Variants in OLAH observed in about 807,000 individuals in gnomAD.
The protein encoded by OLAH is S-acyl fatty acid synthase thioesterase, medium chain.
OLAH carries 33 observed loss-of-function variants against 27.8 expected under a neutral mutation model. The ratio of observed to expected loss-of-function variants is 1.19; its 90% CI spans 0.90 to 1.59. The LOEUF (loss-of-function observed/expected upper bound fraction) is 1.59, where lower values mean the gene tolerates loss of function less well. Among genes scored for constraint, OLAH ranks in the 40% most tolerant of loss-of-function variants. The pLI is 0.00. For synonymous variants in OLAH, 120 were observed against 102.9 expected, an observed-to-expected ratio of 1.17 and a Z score of -1.01; for missense variants, 359 against 310.8, an observed-to-expected ratio of 1.16 and a Z score of -1.17.
intron 3 of OLAH, among the ~76,000 whole-genome samples, 176 bp from the exon 4 acceptor site, chr10:15,061,548 A>G (rs888141789): frequency 6.7e-6 from 1 of 150,252 alleles, no homozygotes; most frequent in Non-Finnish European, 1.5e-5. Flanking sequence ...AGTCTGCTAT[A>G]TTTTATCTTC....
intron 6 of OLAH, 99 bp downstream of exon 6, chr10:15,065,852 A>G: frequency 9.0e-7 from 1 of 1,105,494 alleles, no homozygotes; most frequent in Non-Finnish European, 1.3e-6. Context: ...GGGAAGACAA[A>G]ATTCTAAGAG....
At chr10:15,039,906 G>C (rs188231235), upstream of OLAH, among the ~76,000 whole-genome samples, 1 of 152,120 alleles carries the variant, frequency 6.6e-6, no homozygotes, top group Non-Finnish European at 1.5e-5. Context: ...GCCAAGGTAG[G>C]TACCCTTTCT....
chr10:15,073,258 CA>C lies in OLAH; in HGVS notation c.*32del. 1 of 1,406,078 alleles carries C rather than the reference CA, an allele frequency of 7.1e-7. No homozygotes were observed. Among genetic ancestry groups the C allele is most frequent in the Non-Finnish European group, 1.0e-6 (1 of 1,004,472 alleles). 87.1% of individuals were successfully genotyped at this position (1,406,078 alleles called of 1,614,324 possible). A position where few individuals can be genotyped will look rare whatever the true frequency, so the allele number is the denominator to read the frequency against. ...TTTTCCCTTTCACTTTTAAAATAAT[CA>C]AAGTAATATCATACTCTTCTCAGTT... On this transcript the variant is annotated 3_prime_UTR_variant, in exon 8 of 8. Coordinates refer to ENST00000378228, the MANE Select transcript of OLAH (RefSeq NM_001039702.3).
chr10:15,061,845 T>A lies in OLAH; in HGVS notation c.285T>A (p.Phe95Leu). The change falls in exon 4 of 8, where the codon TTT becomes TTA. Residue 95 changes from phenylalanine (F) to leucine (L), a missense_variant. By Grantham distance (22) the Phe-to-Leu change is conservative. Coordinates refer to ENST00000378228, the MANE Select transcript of OLAH (RefSeq NM_001039702.3). The stretch of plus-strand genomic sequence containing the variant: ...AGCCAGTCATCCAGGATAAACCATT[T>A]GCATTTTTTGGCCACAGGTATTTGA... ...ALQPVIQDKPFAFFGHSMGSY... is the reference protein window; with the variant it reads ...ALQPVIQDKPLAFFGHSMGSY... 2 of 1,613,322 alleles carry A rather than the reference T, an allele frequency of 1.2e-6. No individual in the cohort carries two copies. The highest frequency in any genetic ancestry group is 1.7e-6 in the Non-Finnish European group (2 of 1,179,714).
intron 2 of OLAH, 154 bp downstream of exon 2, chr10:15,047,474 T>A: frequency 1.4e-6 from 1 of 726,920 alleles, no homozygotes; most frequent in Non-Finnish European, 2.4e-6. Context: ...GCAGGTGAAT[T>A]ACCTGAGGTC....
intron 3 of OLAH, 110 bp downstream of exon 3, chr10:15,049,875 A>C: frequency 9.7e-7 from 1 of 1,034,592 alleles, no homozygotes; most frequent in East Asian, 2.7e-5. Context: ...AATTGATAAT[A>C]AACTTTCAAG....
At chr10:15,044,179 CAA>C (rs975763993) in intron 1 of OLAH, among the ~76,000 whole-genome samples, 193 bp downstream of exon 1, 2 of 151,996 alleles carry the variant, frequency 1.3e-5, no homozygotes, top group African/African-American at 4.8e-5. Flanking sequence ...ATCTTGTATT[CAA>C]TTTTTATTTG....
intron 3 of OLAH, chr10:15,056,949 A>T: frequency 2.0e-6 from 3 of 1,497,738 alleles, no homozygotes; most frequent in Non-Finnish European, 2.7e-6. Flanking sequence ...CCTGGCCAAA[A>T]TTCTTGGTCT....
upstream of OLAH, among the ~76,000 whole-genome samples, chr10:15,043,075 T>C (rs1000413779): frequency 3.9e-5 from 6 of 151,956 alleles, no homozygotes; most frequent in Non-Finnish European, 5.9e-5. Context: ...TTAGCCAGGG[T>C]GGTCTCAGTC....
intron 1 of OLAH, among the ~76,000 whole-genome samples, chr10:15,034,103 T>A (rs796794613): frequency 8.9e-6 from 1 of 112,688 alleles, no homozygotes; most frequent in African/African-American, 3.8e-5. Context: ...GACTCCACCA[T>A]TTTTTTTTTT....
At chr10:15,067,927 G>A (rs909629377) in intron 6 of OLAH, 3 of 152,132 alleles carry the variant, frequency 2.0e-5, no homozygotes, top group Admixed American at 6.5e-5. Context: ...CTCTTGCTTC[G>A]GACTATTGTT....
upstream of OLAH, among the ~76,000 whole-genome samples, chr10:15,040,427 C>G (rs1334377825): frequency 1.3e-5 from 2 of 152,112 alleles, no homozygotes; most frequent in African/African-American, 4.8e-5. Flanking sequence ...CCAGTTGCTC[C>G]CACTATTGAC....
chr10:15,073,075 G>C lies in OLAH; in HGVS notation c.656-12G>C, dbSNP rs1315319282. 6.8e-6 allele frequency: 11 copies of C among 1,610,520 alleles called. No individual in the cohort carries two copies. The highest frequency in any genetic ancestry group is 8.5e-6 in the Non-Finnish European group (10 of 1,178,802). On this transcript the variant is annotated splice_polypyrimidine_tract_variant and intron_variant, in intron 7 of 7. Coordinates refer to ENST00000378228, the MANE Select transcript of OLAH (RefSeq NM_001039702.3). ...TGGTGTTGTTATTGAATACAATCTT[G>C]TTTATTTTCAGCCTGGAAAGATGTA... is the stretch of plus-strand genomic sequence containing the variant.
At chr10:15,047,681 G>A (rs565063224) in intron 2 of OLAH, among the ~76,000 whole-genome samples, 2 of 152,224 alleles carry the variant, frequency 1.3e-5, no homozygotes, top group Non-Finnish European at 2.9e-5. Flanking sequence ...CTCCAGCCTG[G>A]TTGACAGCAA....
chr10:15,041,800 T>C (rs1330795554), upstream of OLAH, among the ~76,000 whole-genome samples: 11 of 152,050 alleles, frequency 7.2e-5, no homozygotes, highest in Non-Finnish European at 1.5e-5. Context: ...GATCTCAAAC[T>C]CCTGACCTCA....
chr10:15,052,259 G>C (rs540914334), intron 3 of OLAH, among the ~76,000 whole-genome samples: 2 of 152,170 alleles, frequency 1.3e-5, no homozygotes, highest in East Asian at 3.9e-4. Flanking sequence ...CTCCAGCCTG[G>C]GCCACAGAGT....
rs1589252059 is a variant in OLAH at position 15,065,642 on chromosome 10, A to T, written c.461A>T (p.His154Leu). 1 of 1,613,980 alleles carries T rather than the reference A, an allele frequency of 6.2e-7. No homozygotes were observed. The highest frequency in any genetic ancestry group is 1.7e-5 in the Admixed American group (1 of 59,952). ...GAATTGTCAGAAGAACAAATAAGTC[A>T]TTACCTTATGGAATTTGGAGGCACC... ...DDELSEEQIS[H>L]YLMEFGGTPK... The change falls in exon 6 of 8, where the codon CAT becomes CTT. Residue 154 changes from histidine (H) to leucine (L), a missense_variant. Coordinates refer to ENST00000378228, the MANE Select transcript of OLAH (RefSeq NM_001039702.3).
chr10:15,066,888 C>A (rs1844479698), intron 6 of OLAH, among the ~76,000 whole-genome samples: 1 of 152,124 alleles, frequency 6.6e-6, no homozygotes, highest in African/African-American at 2.4e-5. Context: ...GATCCACCCA[C>A]CTCAGCCTCC....
At chr10:15,050,650 C>T (rs1259978792) in intron 3 of OLAH, among the ~76,000 whole-genome samples, 2 of 149,586 alleles carry the variant, frequency 1.3e-5, no homozygotes, top group Non-Finnish European at 3.0e-5. Flanking sequence ...ACACCATTCT[C>T]CTGCCTCAGC....
Sources: allele counts gnomAD v4.1 joint callset (sites outside exome capture counted in the v4.1 genomes callset), GRCh38; gene constraint gnomAD v4.1.1; transcripts MANE v1.5; gene names NCBI Gene and HGNC (gene_info 2026-07-23, HGNC 2026-07-21).